Variants in IKBKE observed in about 807,000 individuals in gnomAD.
IKBKE encodes inhibitor of nuclear factor kappa-B kinase subunit epsilon.
Under a neutral mutation model 92.1 loss-of-function variants are expected in IKBKE, and 45 were observed. The ratio of observed to expected loss-of-function variants is 0.49; its 90% CI spans 0.38 to 0.63. The LOEUF is 0.63. IKBKE is among the 20% of genes least tolerant of loss of function. The pLI is 0.00. For missense variants in IKBKE, 700 were observed against 932.8 expected (o/e 0.75, Z 3.25); for synonymous variants, 374 against 380.3 (o/e 0.98, Z 0.19).
At position 206,487,831 on chromosome 1, in the gene IKBKE, C is replaced by A; in HGVS notation, c.1617-83C>A. 2.7e-6 allele frequency: 3 copies of A among 1,117,010 alleles called. No homozygotes were observed. Among genetic ancestry groups the A allele is most frequent in the Non-Finnish European group, 4.0e-6 (3 of 753,092 alleles). 69.2% of individuals were successfully genotyped at this position (1,117,010 alleles called of 1,614,324 possible). ...GTGGCTGTGAGGCTCCTCCCCTATT[C>A]CACTGCCACCCTTCCCCTCCCTCCC... On this transcript the variant is annotated intron_variant, in intron 15 of 21. Coordinates refer to ENST00000581977, the MANE Select transcript of IKBKE (RefSeq NM_014002.4). The surrounding 1 kb of genome is among the most constrained non-coding windows in gnomAD (Gnocchi z 5.3).
chr1:206,488,517 G>A lies in IKBKE; in HGVS notation c.1693+527G>A, dbSNP rs377551600. 2.2e-4 allele frequency among the ~76,000 whole-genome samples: 33 copies of A among 152,220 alleles called. No individual in the cohort carries two copies. In the East Asian group the frequency reaches 5.8e-3, roughly 27 times the overall value. ...TGTGGCAGGGGCAGCCCATTTACAG[G>A]CTCGGGGGTGGGAAGCTGCTTGTCC... On this transcript the variant is annotated intron_variant, in intron 16 of 21. Coordinates refer to ENST00000581977, the MANE Select transcript of IKBKE (RefSeq NM_014002.4).
At chr1:206,488,075 G>A (rs1572260635) in intron 16 of IKBKE, 85 bp downstream of exon 16, 2 of 1,039,710 alleles carry the variant, frequency 1.9e-6, no homozygotes, top group East Asian at 2.5e-5. Context: ...TGCTACCAGT[G>A]GCCACTAACC....
chr1:206,493,220 C>T, intron 19 of IKBKE, 46 bp from the exon 20 acceptor site: 1 of 1,568,800 alleles, frequency 6.4e-7, no homozygotes, highest in Non-Finnish European at 8.8e-7. Context: ...CCCAGCCACA[C>T]ATAAGCTGGC....
At chr1:206,474,039 G>A (rs1664922416) in intron 3 of IKBKE, among the ~76,000 whole-genome samples, 1 of 151,988 alleles carries the variant, frequency 6.6e-6, no homozygotes, top group Non-Finnish European at 1.5e-5. Context: ...TAACCCCAGG[G>A]AGTGTTAGCT....
Position 206,478,844 on chromosome 1 carries a change from G to C in IKBKE, c.993-99G>C. 1 of 936,986 alleles carries C rather than the reference G, an allele frequency of 1.1e-6. No individual in the cohort carries two copies. The highest frequency in any genetic ancestry group is 1.8e-6 in the Non-Finnish European group (1 of 570,816). 58.0% of individuals were successfully genotyped at this position (936,986 alleles called of 1,614,324 possible). On this transcript the variant is annotated intron_variant, in intron 9 of 21. Coordinates refer to ENST00000581977, the MANE Select transcript of IKBKE (RefSeq NM_014002.4). The surrounding 1 kb of genome is among the most constrained non-coding windows in gnomAD (Gnocchi z 4.8). Reference sequence around the variant, plus strand: ...CCCTCCCTCTGCAAAACAGAGCCCTGTCTATGGGCAACGCTTAGCTGGGGC... The same window carrying C: ...CCCTCCCTCTGCAAAACAGAGCCCTCTCTATGGGCAACGCTTAGCTGGGGC...
chr1:206,472,049 A>G (rs976093096), intron 2 of IKBKE, among the ~76,000 whole-genome samples: 4 of 152,218 alleles, frequency 2.6e-5, no homozygotes, highest in African/African-American at 9.6e-5. Flanking sequence ...CAGGAGTTCA[A>G]GACCAGCCTG....
At chr1:206,491,189 C>T (rs1302040895) in intron 17 of IKBKE, 10 of 436,166 alleles carry the variant, frequency 2.3e-5, no homozygotes, top group African/African-American at 2.0e-5. Flanking sequence ...CCCTGCCTCC[C>T]CCCGCTCCTC....
rs149219314 is a variant in IKBKE, at chr1:206,478,993, G to A, written c.1043G>A (p.Arg348Gln). ...AVHKQTSVAP[R>Q]HQEYLFEGHL... is the part of the protein sequence containing the mutation. ...CACAAGCAGACCAGTGTGGCCCCCC[G>A]ACACCAGGAGTACCTCTTTGAGGGT... is the stretch of plus-strand genomic sequence containing the variant. The change falls in exon 10 of 22, where the codon CGA becomes CAA. Residue 348 changes from arginine (R) to glutamine (Q), a missense_variant. Physicochemically the swap from Arg to Gln is conservative, Grantham distance 43 (BLOSUM62 1). Coordinates refer to ENST00000581977, the MANE Select transcript of IKBKE (RefSeq NM_014002.4). This position sits in a 1 kb window ranked among gnomAD's most constrained non-coding sequence, Gnocchi z 4.8. 49 of 1,613,920 alleles carry A rather than the reference G, an allele frequency of 3.0e-5. No homozygotes were observed. Among genetic ancestry groups the A allele is most frequent in the East Asian group, 1.3e-4 (6 of 44,896 alleles).
intron 8 of IKBKE, 67 bp downstream of exon 8, chr1:206,477,926 C>G (rs569352664): frequency 1.1e-5 from 13 of 1,156,742 alleles, no homozygotes; most frequent in East Asian, 5.1e-5. Flanking sequence ...TCTGCTAAGT[C>G]AAGACTTCTG....
chr1:206,496,235 C>T lies in IKBKE; in HGVS notation c.*90C>T, dbSNP rs968406920. 4 of 1,023,122 alleles carry T rather than the reference C, an allele frequency of 3.9e-6. No individual in the cohort carries two copies. Among genetic ancestry groups the T allele is most frequent in the Admixed American group, 1.7e-5 (1 of 57,950 alleles). 63.4% of individuals were successfully genotyped at this position (1,023,122 alleles called of 1,614,324 possible). On this transcript the variant is annotated 3_prime_UTR_variant, in exon 22 of 22. Coordinates refer to ENST00000581977, the MANE Select transcript of IKBKE (RefSeq NM_014002.4). ...ATGAGACCAACCCAGGGCAAGATCC[C>T]ATCCCATCACATCAGCCTACCTCCC...
intron 16 of IKBKE, among the ~76,000 whole-genome samples, chr1:206,489,899 G>T (rs778605900): frequency 3.9e-5 from 6 of 152,250 alleles, no homozygotes; most frequent in African/African-American, 7.2e-5. Context: ...AATTAAAAAT[G>T]AACCCCTAAC....
Position 206,476,131 on chromosome 1 carries a change from T to TA in IKBKE, c.359-49dup. 6.3e-7 allele frequency: 1 copy of TA among 1,588,150 alleles called. No homozygotes were observed. The highest frequency in any genetic ancestry group is 8.6e-7 in the Non-Finnish European group (1 of 1,160,306). On this transcript the variant is annotated intron_variant, in intron 5 of 21. Transcript: ENST00000581977. The surrounding 1 kb of genome is among the most constrained non-coding windows in gnomAD (Gnocchi z 5.1). ...TCCCACCAAGATGAGCCTCAGACACTAGACTGTCCCCGACCAGAGCCAGCT... is the reference window on the plus strand; with the variant it reads ...TCCCACCAAGATGAGCCTCAGACACTAAGACTGTCCCCGACCAGAGCCAGCT...
chr1:206,485,577 T>A lies in IKBKE; in HGVS notation c.1616+271T>A, dbSNP rs1268975347. Among the ~76,000 whole-genome samples, 1 of 152,206 alleles carries A rather than the reference T, an allele frequency of 6.6e-6. No homozygotes were observed. Among genetic ancestry groups the A allele is most frequent in the Non-Finnish European group, 1.5e-5 (1 of 68,030 alleles). On this transcript the variant is annotated intron_variant, in intron 15 of 21. Transcript: ENST00000581977. The surrounding 1 kb of genome is among the most constrained non-coding windows in gnomAD (Gnocchi z 5.0). ...GGAATCTTAGCAGGTGCTATAATTCTGAATAAAAGAAGACTTTAGTTCCCT... is the reference window on the plus strand; with the variant it reads ...GGAATCTTAGCAGGTGCTATAATTCAGAATAAAAGAAGACTTTAGTTCCCT...
chr1:206,490,494 C>T lies in IKBKE; in HGVS notation c.1694-325C>T, dbSNP rs1461994467. 1.3e-5 allele frequency among the ~76,000 whole-genome samples: 2 copies of T among 152,146 alleles called. No individual in the cohort carries two copies. The highest frequency in any genetic ancestry group is 2.1e-4 in the South Asian group (1 of 4,830). ...TGCTGGATAAGGGGCTATGGTTGAC[C>T]GAGCCTCCTTCTAAGCCCACTTCAT... is the stretch of plus-strand genomic sequence containing the variant. On this transcript the variant is annotated intron_variant, in intron 16 of 21. Transcript: ENST00000581977. The surrounding 1 kb of genome is among the most constrained non-coding windows in gnomAD (Gnocchi z 5.2).
chr1:206,475,414 G>A (rs1665005958), intron 5 of IKBKE, among the ~76,000 whole-genome samples: 1 of 152,116 alleles, frequency 6.6e-6, no homozygotes. Flanking sequence ...GGAGAATGAG[G>A]AGTTGTTTAA....
At chr1:206,491,322 G>A (rs1414046891) in intron 17 of IKBKE, 6 of 370,764 alleles carry the variant, frequency 1.6e-5, no homozygotes, top group African/African-American at 6.3e-5. Context: ...ACACACACAC[G>A]CACTCACACA....
chr1:206,483,126 C>T (rs41274756), intron 13 of IKBKE, among the ~76,000 whole-genome samples: 9 of 152,380 alleles, frequency 5.9e-5, no homozygotes, highest in African/African-American at 1.7e-4. Context: ...CCCCCAGCCC[C>T]GCCACCAGGC....
chr1:206,489,365 GTGTGTA>G lies in IKBKE; in HGVS notation c.1693+1377_1693+1382del, dbSNP rs1273991317. On this transcript the variant is annotated intron_variant, in intron 16 of 21. Coordinates refer to ENST00000581977, the MANE Select transcript of IKBKE (RefSeq NM_014002.4). The stretch of plus-strand genomic sequence containing the variant: ...TGTATATGTGTGTGTGTGTGTGTGT[GTGTGTA>G]TATATATATATATATATATATATAT... Among the ~76,000 whole-genome samples the G allele has an allele frequency of 9.8e-3, 287 of 29,374 alleles. 1 individual carries two copies. Among genetic ancestry groups the G allele is most frequent in the African/African-American group, 0.022 (265 of 12,282 alleles). 19.3% of individuals were successfully genotyped at this position (29,374 alleles called of 152,430 possible).
chr1:206,483,891 CTTCT>C (rs1665520911), intron 13 of IKBKE, among the ~76,000 whole-genome samples: 1 of 151,636 alleles, frequency 6.6e-6, no homozygotes. Flanking sequence ...TTGTCTTGTC[CTTCT>C]TTCTCAGCAT....
Sources: gnomAD v4.1 joint callset for allele counts (sites outside exome capture counted in the v4.1 genomes callset) on GRCh38, gnomAD v4.1.1 for gene constraint, Gnocchi (gnomAD v3.1) non-coding constraint, MANE v1.5 for transcripts, NCBI Gene and HGNC (gene_info 2026-07-23, HGNC 2026-07-21) for gene names.